CCDC97: variants seen among roughly 807,000 people sequenced by gnomAD.
The protein encoded by CCDC97 is coiled-coil domain-containing protein 97.
A neutral mutation model predicts 33.9 loss-of-function variants in CCDC97; 27 were observed. That is an observed-to-expected ratio of 0.80 (90% CI 0.59 to 1.10). CCDC97 has a LOEUF of 1.10. Among genes scored for constraint, CCDC97 ranks in the 50% least tolerant of loss-of-function variants. The pLI is 0.00. For synonymous variants in CCDC97, 217 were observed against 194.0 expected (o/e 1.12, Z -0.99); for missense variants, 422 against 476.6 (o/e 0.89, Z 1.07).
At chr19:41,320,812 G>A (rs550872673) in intron 4 of CCDC97, 39 of 252,984 alleles carry the variant, frequency 1.5e-4, no homozygotes, top group South Asian at 4.5e-4. Flanking sequence ...AACCTCTTCC[G>A]CTTCACCTTG....
rs1027963987 is a variant in CCDC97 at position 41,324,414 on chromosome 19, C to T, written c.*1699C>T. 2 of 152,224 alleles carry T rather than the reference C, an allele frequency of 1.3e-5. No individual in the cohort carries two copies. The highest frequency in any genetic ancestry group is 6.5e-5 in the Admixed American group (1 of 15,278). 9.4% of individuals were successfully genotyped at this position (152,224 alleles called of 1,614,324 possible). A position where few individuals can be genotyped will look rare whatever the true frequency, so the allele number is the denominator to read the frequency against. Reference sequence around the variant, plus strand: ...GAAACCACTTGGCTGTCTGGCCTCTCAGGTGTCAGGGCCATCCAGAGTGAG... The same window carrying T: ...GAAACCACTTGGCTGTCTGGCCTCTTAGGTGTCAGGGCCATCCAGAGTGAG... On this transcript the variant is annotated 3_prime_UTR_variant, in exon 5 of 5. Coordinates refer to ENST00000269967, the MANE Select transcript of CCDC97 (RefSeq NM_052848.3).
At chr19:41,320,983 G>A (rs2037818962) in intron 4 of CCDC97, among the ~76,000 whole-genome samples, 1 of 152,216 alleles carries the variant, frequency 6.6e-6, no homozygotes, top group Non-Finnish European at 1.5e-5. Flanking sequence ...CCAGGAGAGT[G>A]ATGTGTCAGT....
intron 4 of CCDC97, among the ~76,000 whole-genome samples, chr19:41,321,562 C>A (rs1017542008): frequency 3.4e-4 from 51 of 152,170 alleles, no homozygotes; most frequent in African/African-American, 1.1e-3. Context: ...GAAAAGGGGT[C>A]CCACTCTAGT....
chr19:41,324,723 A>T lies in CCDC97; in HGVS notation c.*2008A>T, dbSNP rs2037864894. On this transcript the variant is annotated 3_prime_UTR_variant, in exon 5 of 5. Transcript: ENST00000269967. ...ATATCTCTCAGAAAGCCAAGAGTGC[A>T]GGATGAGAGCTGTCTGTCTCTTACC... The T allele has an allele frequency of 6.6e-6, 1 of 152,156 alleles. No homozygotes were observed. The allele number at this position is 152,156 out of a possible 1,614,324, so 9.4% of individuals were successfully genotyped here. A position where few individuals can be genotyped will look rare whatever the true frequency, so the allele number is the denominator to read the frequency against.
intron 1 of CCDC97, chr19:41,310,848 C>G (rs1273375203): frequency 6.1e-6 from 6 of 988,396 alleles, no homozygotes; most frequent in Non-Finnish European, 7.2e-6. Flanking sequence ...CCCCAAAGTC[C>G]GAAATCCAGC....
chr19:41,321,449 G>A (rs1018110517), intron 4 of CCDC97, among the ~76,000 whole-genome samples: 8 of 152,230 alleles, frequency 5.3e-5, no homozygotes, highest in African/African-American at 1.9e-4. Flanking sequence ...GCCCCGACGT[G>A]TCCCCCATCC....
chr19:41,314,173 T>C (rs1226733447), intron 1 of CCDC97, among the ~76,000 whole-genome samples: 2 of 151,288 alleles, frequency 1.3e-5, no homozygotes, highest in African/African-American at 4.9e-5. Context: ...TTTTTTAGAG[T>C]TTTGCTCTTG....
At chr19:41,319,905 C>T (rs1050551353) in intron 3 of CCDC97, 53 bp downstream of exon 3, 3 of 847,182 alleles carry the variant, frequency 3.5e-6, no homozygotes, top group Non-Finnish European at 5.5e-6. Context: ...AGCCCTAGGC[C>T]TGTCTGTCTC....
At chr19:41,314,642 A>T (rs2037723901) in intron 1 of CCDC97, among the ~76,000 whole-genome samples, 4 of 152,176 alleles carry the variant, frequency 2.6e-5, no homozygotes, top group African/African-American at 9.7e-5. Flanking sequence ...TTAATCCCTC[A>T]CCACCTGAGG....
chr19:41,313,166 C>T (rs528615402), intron 1 of CCDC97, among the ~76,000 whole-genome samples: 17 of 152,246 alleles, frequency 1.1e-4, no homozygotes, highest in East Asian at 1.9e-4. Context: ...ATGTCCTCCC[C>T]GCATCTGTGC....
chr19:41,313,654 T>G (rs1006703760), intron 1 of CCDC97, among the ~76,000 whole-genome samples: 4 of 152,194 alleles, frequency 2.6e-5, no homozygotes, highest in African/African-American at 9.6e-5. Flanking sequence ...CCTCCACTCT[T>G]GGGAAACAAG....
At position 41,316,650 on chromosome 19, in the gene CCDC97, C is replaced by G; in HGVS notation, c.313C>G (p.Leu105Val). 6.2e-7 allele frequency: 1 copy of G among 1,614,222 alleles called. No individual in the cohort carries two copies. The highest frequency in any genetic ancestry group is 8.5e-7 in the Non-Finnish European group (1 of 1,180,040). Reference protein sequence around the residue: ...ILAQLYHEKPLVFLERFRTGL... With the variant: ...ILAQLYHEKPVVFLERFRTGL... ...GGCCCAGCTGTACCACGAGAAGCCA[C>G]TGGTGTTCCTGGAGCGCTTCCGCAC... The change falls in exon 2 of 5, where the codon CTG becomes GTG. Residue 105 changes from leucine (L) to valine (V), a missense_variant. Physicochemically the swap from Leu to Val is conservative, Grantham distance 32. Coordinates refer to ENST00000269967, the MANE Select transcript of CCDC97 (RefSeq NM_052848.3).
chr19:41,322,919 C>T lies in CCDC97; in HGVS notation c.*204C>T, dbSNP rs981285002. ...GGGGTTCCCTTTCTCATCTCTCCCA[C>T]CCTGTCTCCTGCCTCTGTCTTTCTT... On this transcript the variant is annotated 3_prime_UTR_variant, in exon 5 of 5. Coordinates refer to ENST00000269967, the MANE Select transcript of CCDC97 (RefSeq NM_052848.3). The T allele has an allele frequency of 1.3e-5, 6 of 455,280 alleles. No homozygotes were observed. Among genetic ancestry groups the T allele is most frequent in the Admixed American group, 7.8e-5 (2 of 25,636 alleles). The allele number at this position is 455,280 out of a possible 1,614,324, so 28.2% of individuals were successfully genotyped here.
chr19:41,320,594 C>T (rs2037813144), intron 4 of CCDC97, 124 bp downstream of exon 4: 2 of 1,281,676 alleles, frequency 1.6e-6, no homozygotes, highest in Non-Finnish European at 2.2e-6. Flanking sequence ...CAAAACAGTT[C>T]CAGGATGTGG....
rs377111574 is a variant in CCDC97, at chr19:41,320,454, G to C, written c.895G>C (p.Gly299Arg). Residue 299 changes from glycine (G) to arginine (R), a missense_variant, in exon 4 of 5, where the codon GGG (glycine) becomes CGG (arginine). By Grantham distance (125) the Gly-to-Arg change is moderately radical. Transcript: ENST00000269967. ...CCAGCGCTTCCTAGATGGCAAGGAC[G>C]GGGACTTTGACTACAGGTGCTCCTG... ...MHQRFLDGKD[G>R]DFDYSTVDDN... 2 of 1,613,858 alleles carry C rather than the reference G, an allele frequency of 1.2e-6. No homozygotes were observed. Among genetic ancestry groups the C allele is most frequent in the Admixed American group, 3.3e-5 (2 of 59,986 alleles).
At chr19:41,319,473 T>C in intron 2 of CCDC97, 101 bp from the exon 3 acceptor site, 1 of 866,252 alleles carries the variant, frequency 1.2e-6, no homozygotes, top group Non-Finnish European at 1.8e-6. Context: ...ACTTGGACTG[T>C]GTATGCACAT....
chr19:41,316,631 G>GC lies in CCDC97; in HGVS notation c.295dup (p.Leu99ProfsTer19). On this transcript the variant is annotated frameshift_variant, in exon 2 of 5. Transcript: ENST00000269967. LOFTEE classifies it high-confidence loss of function. Reference sequence around the variant, plus strand: ...ATGAGAAAGTGGCCATCCTGGCCCAGCTGTACCACGAGAAGCCACTGGTGT... The same window carrying GC: ...ATGAGAAAGTGGCCATCCTGGCCCAGCCTGTACCACGAGAAGCCACTGGTGT... 3.1e-6 allele frequency: 5 copies of GC among 1,614,222 alleles called. No homozygotes were observed. Among genetic ancestry groups the GC allele is most frequent in the Non-Finnish European group, 4.2e-6 (5 of 1,180,040 alleles).
At chr19:41,317,543 C>T (rs1310627029) in intron 2 of CCDC97, among the ~76,000 whole-genome samples, 2 of 150,926 alleles carry the variant, frequency 1.3e-5, no homozygotes, top group African/African-American at 4.9e-5. Context: ...GGCAACATGG[C>T]GAAATGCTGT....
At chr19:41,314,651 G>A (rs1340038526) in intron 1 of CCDC97, among the ~76,000 whole-genome samples, 3 of 152,196 alleles carry the variant, frequency 2.0e-5, no homozygotes, top group African/African-American at 7.2e-5. Flanking sequence ...CACCACCTGA[G>A]GTCTCTAATC....
Sources: gnomAD v4.1 joint callset for allele counts (sites outside exome capture counted in the v4.1 genomes callset) on GRCh38, gnomAD v4.1.1 for gene constraint, MANE v1.5 for transcripts, NCBI Gene and HGNC (gene_info 2026-07-23, HGNC 2026-07-21) for gene names.